The following ARHGAP15 variants were observed in gnomAD, a reference collection of about 807,000 sequenced individuals.
The protein encoded by ARHGAP15 is Rho GTPase activating protein 15.
In ARHGAP15, 51 loss-of-function variants were observed where a neutral mutation model predicts 63.7. The ratio of observed to expected loss-of-function variants is 0.80; its 90% CI spans 0.64 to 1.01. ARHGAP15 has a LOEUF of 1.01. Ranked by LOEUF, ARHGAP15 falls within the 50% of genes least tolerant of loss-of-function variation. The pLI is 0.00. For synonymous variants in ARHGAP15, 191 were observed against 193.8 expected, an observed-to-expected ratio of 0.99 and a Z score of 0.12; for missense variants, 560 against 564.6, an observed-to-expected ratio of 0.99 and a Z score of 0.08.
At chr2:143,290,639 AG>A (rs1682348033) in intron 6 of ARHGAP15, among the ~76,000 whole-genome samples, 1 of 152,144 alleles carries the variant, frequency 6.6e-6, no homozygotes, top group African/African-American at 2.4e-5. Context: ...GAATTGTTTT[AG>A]CCCATGCACT....
At chr2:143,528,608 G>A (rs576048126) in intron 10 of ARHGAP15, among the ~76,000 whole-genome samples, 1 of 152,136 alleles carries the variant, frequency 6.6e-6, no homozygotes, top group South Asian at 2.1e-4. Context: ...CTCTGCTGTT[G>A]CTATCAAAAG....
chr2:143,245,683 G>A (rs1435784541), intron 5 of ARHGAP15, among the ~76,000 whole-genome samples: 1 of 152,022 alleles, frequency 6.6e-6, no homozygotes, highest in Non-Finnish European at 1.5e-5. Context: ...TCTATTTGAG[G>A]GGGAGAAAGT....
chr2:143,737,042 C>CATAATTATGTACAT (rs1559153214), intron 13 of ARHGAP15, among the ~76,000 whole-genome samples: 3 of 152,192 alleles, frequency 2.0e-5, no homozygotes, highest in Admixed American at 2.0e-4. Flanking sequence ...TACATAATTA[C>CATAATTATGTACAT]AATAATAAGT....
In ARHGAP15 at chr2:143,473,659, A is replaced by T. The variant is rs184349125; in HGVS notation, c.704-13714A>T. 1.3e-4 allele frequency among the ~76,000 whole-genome samples: 20 copies of T among 152,304 alleles called. No individual in the cohort carries two copies. The East Asian group carries it at 3.9e-3, about 29-fold the overall frequency. ...TAAAGTAGATCTTTAAGTCAAAATG[A>T]GGATGTGTGCGCACTGCCTCATTTT... On this transcript the variant is annotated intron_variant, in intron 8 of 13. Coordinates refer to ENST00000295095, the MANE Select transcript of ARHGAP15 (RefSeq NM_018460.4).
chr2:143,141,849 T>C (rs1167793276), intron 1 of ARHGAP15, among the ~76,000 whole-genome samples: 1 of 152,038 alleles, frequency 6.6e-6, no homozygotes, highest in Non-Finnish European at 1.5e-5. Context: ...AGAGGAGCAA[T>C]GTTCCTAGGG....
At chr2:143,568,991 C>T (rs972096681) in intron 11 of ARHGAP15, among the ~76,000 whole-genome samples, 4 of 152,036 alleles carry the variant, frequency 2.6e-5, no homozygotes, top group South Asian at 4.1e-4. Flanking sequence ...GGGTAGGGAA[C>T]ATCACACACC....
chr2:143,430,376 A>C (rs1689332508), intron 6 of ARHGAP15, among the ~76,000 whole-genome samples: 1 of 151,958 alleles, frequency 6.6e-6, no homozygotes, highest in African/African-American at 2.4e-5. Context: ...AAATGTTAGG[A>C]ATTACTCAAA....
intron 6 of ARHGAP15, among the ~76,000 whole-genome samples, chr2:143,376,702 T>C (rs1464998881): frequency 1.3e-5 from 2 of 151,896 alleles, no homozygotes; most frequent in African/African-American, 2.4e-5. Context: ...TAATTTAATA[T>C]TTAATTTAAA....
chr2:143,228,677 TTC>T lies in ARHGAP15; in HGVS notation c.384+13_384+14del, dbSNP rs757726779. On this transcript the variant is annotated intron_variant, in intron 5 of 13. Transcript: ENST00000295095. The stretch of plus-strand genomic sequence containing the variant: ...AGGCTCTGTCCAATATGGTAAGTAA[TTC>T]TCTGTTTCTATTGTTAAATATCTTT... The T allele has an allele frequency of 4.6e-6, 7 of 1,518,174 alleles. No individual in the cohort carries two copies. Among genetic ancestry groups the T allele is most frequent in the Admixed American group, 4.1e-5 (2 of 48,852 alleles). 94.0% of individuals were successfully genotyped at this position (1,518,174 alleles called of 1,614,324 possible).
intron 9 of ARHGAP15, among the ~76,000 whole-genome samples, chr2:143,500,352 A>G (rs1436417424): frequency 6.6e-6 from 1 of 151,912 alleles, no homozygotes; most frequent in Non-Finnish European, 1.5e-5. Flanking sequence ...TTGACAAAAT[A>G]TAAGTCCATA....
chr2:143,379,485 ATATGTGTG>A (rs375668184), intron 6 of ARHGAP15, among the ~76,000 whole-genome samples: 5,476 of 90,142 alleles, frequency 0.061, 299 homozygotes, highest in Admixed American at 0.26. Flanking sequence ...TTAGGCATAT[ATATGTGTG>A]TGTGTGTGTG....
chr2:143,549,148 A>G (rs1210001734), intron 10 of ARHGAP15, among the ~76,000 whole-genome samples: 1 of 152,158 alleles, frequency 6.6e-6, no homozygotes, highest in Non-Finnish European at 1.5e-5. Context: ...AAAATAATAT[A>G]ATAGTATCTT....
At chr2:143,464,597 T>A (rs1314995314) in intron 8 of ARHGAP15, among the ~76,000 whole-genome samples, 1 of 152,168 alleles carries the variant, frequency 6.6e-6, no homozygotes, top group Non-Finnish European at 1.5e-5. Context: ...GACAGAAATT[T>A]CTATGACAAA....
intron 12 of ARHGAP15, among the ~76,000 whole-genome samples, chr2:143,695,380 A>G (rs1047175205): frequency 6.6e-6 from 1 of 152,158 alleles, no homozygotes; most frequent in African/African-American, 2.4e-5. Context: ...AGGAAGGACA[A>G]TAGGATCATG....
chr2:143,484,703 A>C (rs1008316391), intron 8 of ARHGAP15, among the ~76,000 whole-genome samples: 31 of 152,298 alleles, frequency 2.0e-4, no homozygotes, highest in Non-Finnish European at 4.1e-4. Flanking sequence ...ATAATGTAAA[A>C]TCTTCTGGTA....
chr2:143,522,875 T>C (rs1047601335), intron 10 of ARHGAP15, among the ~76,000 whole-genome samples: 1 of 152,146 alleles, frequency 6.6e-6, no homozygotes, highest in Non-Finnish European at 1.5e-5. Context: ...TAGAACACTT[T>C]GTGTAGTTTA....
chr2:143,618,660 TCTTGA>T (rs1376482943), intron 11 of ARHGAP15, among the ~76,000 whole-genome samples: 2 of 152,220 alleles, frequency 1.3e-5, no homozygotes, highest in African/African-American at 4.8e-5. Context: ...AGATTTTCTT[TCTTGA>T]CTTGGTTACT....
chr2:143,178,386 G>A (rs145149988), intron 2 of ARHGAP15, among the ~76,000 whole-genome samples: 34 of 152,130 alleles, frequency 2.2e-4, no homozygotes, highest in Admixed American at 5.2e-4. Flanking sequence ...CTTCTAAGGT[G>A]GCAATAAAAA....
chr2:143,185,547 G>T (rs1176580725), intron 2 of ARHGAP15, among the ~76,000 whole-genome samples: 1 of 152,114 alleles, frequency 6.6e-6, no homozygotes, highest in Non-Finnish European at 1.5e-5. Flanking sequence ...AATATGAGTG[G>T]CTGTCATTTC....
Sources: allele counts gnomAD v4.1 joint callset (sites outside exome capture counted in the v4.1 genomes callset), GRCh38; gene constraint gnomAD v4.1.1; transcripts MANE v1.5; gene names NCBI Gene and HGNC (gene_info 2026-07-23, HGNC 2026-07-21).